The following SPAG16 variants were observed in gnomAD, a reference collection of about 807,000 sequenced individuals.
SPAG16 encodes sperm associated antigen 16.
SPAG16 carries 86 observed loss-of-function variants against 80.4 expected under a neutral mutation model. The observed-to-expected ratio is 1.07, with a 90% CI of 0.90 to 1.28. The LOEUF is 1.28. Ranked by LOEUF, SPAG16 falls within the 50% of genes most tolerant of loss-of-function variation. The pLI, the probability that SPAG16 is intolerant of heterozygous loss-of-function variation, is 0.00. For synonymous variants in SPAG16, 294 were observed against 265.9 expected, an observed-to-expected ratio of 1.11 and a Z score of -1.03; for missense variants, 870 against 765.3, an observed-to-expected ratio of 1.14 and a Z score of -1.61.
chr2:214,297,742 C>T (rs963953997), intron 15 of SPAG16, among the ~76,000 whole-genome samples: 1 of 149,246 alleles, frequency 6.7e-6, no homozygotes, highest in African/African-American at 2.4e-5. Context: ...TTACTATAGA[C>T]TTACAGTATA....
chr2:213,728,876 C>CAAAAAAAA lies in SPAG16; in HGVS notation c.1071-133571_1071-133564dup, dbSNP rs58070679. On this transcript the variant is annotated intron_variant, in intron 10 of 15. Transcript: ENST00000331683. ...TGGGCGACAGAGTGAGACTCCGTCTCAAAAAAAAAAAAAAAAAAAAAAAAA... is the reference window on the plus strand; with the variant it reads ...TGGGCGACAGAGTGAGACTCCGTCTCAAAAAAAAAAAAAAAAAAAAAAAAAAAAAAAAA... 1.2e-3 allele frequency among the ~76,000 whole-genome samples: 72 copies of CAAAAAAAA among 58,454 alleles called. 4 individuals carry two copies. The highest frequency in any genetic ancestry group is 3.1e-3 in the Admixed American group (12 of 3,832). 38.3% of individuals were successfully genotyped at this position (58,454 alleles called of 152,430 possible).
At chr2:214,253,199 A>G (rs1438643350) in intron 15 of SPAG16, among the ~76,000 whole-genome samples, 1 of 149,902 alleles carries the variant, frequency 6.7e-6, no homozygotes, top group Non-Finnish European at 1.5e-5. Context: ...GATTCTGGAT[A>G]TTAGCCCTTT....
intron 10 of SPAG16, among the ~76,000 whole-genome samples, chr2:213,678,927 T>A (rs2064238309): frequency 6.6e-6 from 1 of 152,136 alleles, no homozygotes; most frequent in Admixed American, 6.6e-5. Flanking sequence ...ACCTATAACT[T>A]CCTCCTGTCA....
At chr2:214,013,530 G>A (rs981737290) in intron 12 of SPAG16, among the ~76,000 whole-genome samples, 2 of 152,100 alleles carry the variant, frequency 1.3e-5, no homozygotes, top group Non-Finnish European at 2.9e-5. Context: ...AGCCACTGAA[G>A]TGCCTCAGGT....
chr2:213,853,201 T>C (rs1283863949), intron 10 of SPAG16, among the ~76,000 whole-genome samples: 1 of 152,224 alleles, frequency 6.6e-6, no homozygotes, highest in Non-Finnish European at 1.5e-5. Flanking sequence ...GACAAGGGTA[T>C]CTAATTAGTC....
chr2:213,875,408 C>A (rs1422988164), intron 11 of SPAG16, among the ~76,000 whole-genome samples: 2 of 151,988 alleles, frequency 1.3e-5, no homozygotes, highest in Non-Finnish European at 2.9e-5. Flanking sequence ...AAAAGGGATA[C>A]ATGAAAGAGG....
intron 10 of SPAG16, among the ~76,000 whole-genome samples, chr2:213,662,657 C>CT (rs2063468432): frequency 6.6e-6 from 1 of 152,012 alleles, no homozygotes; most frequent in East Asian, 1.9e-4. Flanking sequence ...TTGTCAATAA[C>CT]TGATTTTTTT....
chr2:214,164,910 T>C (rs879289277), intron 15 of SPAG16, among the ~76,000 whole-genome samples: 4 of 152,088 alleles, frequency 2.6e-5, no homozygotes, highest in Non-Finnish European at 5.9e-5. Flanking sequence ...ATTAATAATA[T>C]CATGTAATGA....
chr2:214,403,216 A>C (rs1425924709), intron 15 of SPAG16, among the ~76,000 whole-genome samples: 1 of 151,670 alleles, frequency 6.6e-6, no homozygotes. Context: ...AGTATATGCT[A>C]GTATTTTCTA....
intron 15 of SPAG16, among the ~76,000 whole-genome samples, chr2:214,259,104 G>A (rs918735054): frequency 6.6e-6 from 1 of 151,200 alleles, no homozygotes; most frequent in Admixed American, 6.6e-5. Flanking sequence ...ATTTTTATTT[G>A]TATTTTGGAT....
intron 10 of SPAG16, among the ~76,000 whole-genome samples, chr2:213,642,885 T>G (rs1330715578): frequency 6.7e-6 from 1 of 148,788 alleles, no homozygotes; most frequent in African/African-American, 2.5e-5. Context: ...TACATCTCTT[T>G]TCCATGCTGG....
chr2:213,687,934 A>G (rs948097053), intron 10 of SPAG16, among the ~76,000 whole-genome samples: 8 of 152,230 alleles, frequency 5.3e-5, no homozygotes, highest in African/African-American at 1.9e-4. Flanking sequence ...TGAGCCAAAT[A>G]TAAGTAACCA....
intron 9 of SPAG16, among the ~76,000 whole-genome samples, chr2:213,376,979 T>C (rs1388896910): frequency 5.9e-5 from 9 of 152,172 alleles, no homozygotes; most frequent in Admixed American, 5.9e-4. Context: ...GCCCCTGTTA[T>C]GTATTCTCAT....
intron 10 of SPAG16, among the ~76,000 whole-genome samples, chr2:213,687,486 A>C: frequency 6.6e-6 from 1 of 152,122 alleles, no homozygotes; most frequent in South Asian, 2.1e-4. Flanking sequence ...TTTGTCTGAA[A>C]GTACTTATTT....
chr2:214,376,880 C>T (rs1700164184), intron 15 of SPAG16, among the ~76,000 whole-genome samples: 1 of 152,198 alleles, frequency 6.6e-6, no homozygotes, highest in Non-Finnish European at 1.5e-5. Flanking sequence ...TGGAACAACA[C>T]AGGTTTGAAC....
chr2:213,867,923 CAACAAAAA>C (rs1250207963), intron 11 of SPAG16, among the ~76,000 whole-genome samples: 6 of 55,372 alleles, frequency 1.1e-4, no homozygotes, highest in South Asian at 8.0e-4. Flanking sequence ...GACTCTGTCT[CAACAAAAA>C]AAAAAAAAAA....
intron 12 of SPAG16, among the ~76,000 whole-genome samples, chr2:213,996,868 C>G (rs747268998): frequency 2.6e-5 from 4 of 152,046 alleles, no homozygotes; most frequent in Non-Finnish European, 5.9e-5. Flanking sequence ...GCACCCGGCC[C>G]TACTAATGCT....
intron 9 of SPAG16, among the ~76,000 whole-genome samples, chr2:213,424,423 A>C (rs574426312): frequency 6.6e-6 from 1 of 152,326 alleles, no homozygotes; most frequent in South Asian, 2.1e-4. Flanking sequence ...CTAATATGAA[A>C]AGATGGACAC....
At chr2:213,650,937 T>C (rs979146241) in intron 10 of SPAG16, among the ~76,000 whole-genome samples, 10 of 152,222 alleles carry the variant, frequency 6.6e-5, no homozygotes, top group Admixed American at 5.2e-4. Context: ...AAATTCAATT[T>C]GTATTGTAAT....
Sources: allele counts gnomAD v4.1 joint callset (sites outside exome capture counted in the v4.1 genomes callset), GRCh38; gene constraint gnomAD v4.1.1; transcripts MANE v1.5; gene names NCBI Gene and HGNC (gene_info 2026-07-23, HGNC 2026-07-21).